The following TVP23C variants were observed in gnomAD, a reference collection of about 807,000 sequenced individuals.
The protein encoded by TVP23C is trans-golgi network vesicle protein 23 homolog C.
TVP23C carries 19 observed loss-of-function variants against 28.7 expected under a neutral mutation model. That is an observed-to-expected ratio of 0.66 (90% confidence interval 0.46 to 0.97). The LOEUF is 0.97. Ranked by LOEUF, TVP23C falls within the 50% of genes least tolerant of loss-of-function variation. The pLI is 0.00. For synonymous variants in TVP23C, 68 were observed against 81.7 expected (o/e 0.83, Z 0.90); for missense variants, 186 against 241.3 (o/e 0.77, Z 1.52).
At chr17:15,516,573 AC>A (rs1265035703) in intron 5 of TVP23C, 1 of 152,118 alleles carries the variant, frequency 6.6e-6, no homozygotes, top group East Asian at 1.9e-4. Flanking sequence ...CTTATGGAAC[AC>A]CAGTCAGACT....
Position 15,502,809 on chromosome 17 carries a change from CCT to C in TVP23C, c.*53_*54del, listed in dbSNP as rs57432478. 9,114 of 1,364,700 alleles carry C rather than the reference CCT, an allele frequency of 6.7e-3. 2 individuals carry two copies. Among genetic ancestry groups the C allele is most frequent in the East Asian group, 0.062 (2,037 of 33,074 alleles). 84.5% of individuals were successfully genotyped at this position (1,364,700 alleles called of 1,614,324 possible). On this transcript the variant is annotated 3_prime_UTR_variant, in exon 6 of 6. Transcript: ENST00000225576. ...TCCCTCTCTCCTCTCTCCTCTCTCTCCTCTCTCTCTCTCTCTCTCTCTCCTGC... is the reference window on the plus strand; with the variant it reads ...TCCCTCTCTCCTCTCTCCTCTCTCTCCTCTCTCTCTCTCTCTCTCTCCTGC...
intron 5 of TVP23C, among the ~76,000 whole-genome samples, chr17:15,517,855 G>C (rs1299046808): frequency 1.3e-5 from 2 of 152,096 alleles, no homozygotes; most frequent in South Asian, 2.1e-4. Context: ...CACCATAAGA[G>C]AATTCTCACT....
chr17:15,535,149 A>C (rs568481535), downstream of TVP23C, among the ~76,000 whole-genome samples: 1 of 151,480 alleles, frequency 6.6e-6, no homozygotes, highest in African/African-American at 2.4e-5. Flanking sequence ...TCTAAAGACT[A>C]TCTCCCATCC....
chr17:15,515,528 C>A (rs559013860), intron 5 of TVP23C, among the ~76,000 whole-genome samples: 1 of 152,154 alleles, frequency 6.6e-6, no homozygotes, highest in Non-Finnish European at 1.5e-5. Context: ...ATGAACTACA[C>A]GAGATACGAT....
At chr17:15,526,138 TGCTGTA>T (rs1168952520) in intron 5 of TVP23C, among the ~76,000 whole-genome samples, 2 of 152,148 alleles carry the variant, frequency 1.3e-5, no homozygotes, top group African/African-American at 4.8e-5. Flanking sequence ...CAGACACAGT[TGCTGTA>T]GACCACTCCT....
chr17:15,502,751 T>A, exon 6 of TVP23C: 1 of 1,337,378 alleles, frequency 7.5e-7, no homozygotes, highest in Non-Finnish European at 9.8e-7. Flanking sequence ...CTCTCTCCCG[T>A]CTCTTTCTCT....
chr17:15,559,986 C>T (rs1984306765), intron 1 of TVP23C, among the ~76,000 whole-genome samples: 1 of 149,352 alleles, frequency 6.7e-6, no homozygotes, highest in African/African-American at 2.4e-5. Flanking sequence ...AACAAAGTGC[C>T]TCCAGGAGGA....
At chr17:15,555,237 A>T in intron 2 of TVP23C, 45 bp downstream of exon 2, 3 of 1,613,600 alleles carry the variant, frequency 1.9e-6, no homozygotes, top group Non-Finnish European at 2.5e-6. Context: ...ATACATACAG[A>T]ACAACACTGG....
chr17:15,503,152 A>T, exon 6 of TVP23C: 1 of 1,601,522 alleles, frequency 6.2e-7, no homozygotes, highest in Non-Finnish European at 8.5e-7. Flanking sequence ...CTGTTATCCC[A>T]GCGCTTTGGA....
intron 5 of TVP23C, among the ~76,000 whole-genome samples, chr17:15,524,578 GAT>G (rs1982638426): frequency 6.6e-6 from 1 of 152,174 alleles, no homozygotes; most frequent in Non-Finnish European, 1.5e-5. Flanking sequence ...TGAGGAAGGA[GAT>G]ATGAAATCAG....
intron 3 of TVP23C, among the ~76,000 whole-genome samples, chr17:15,551,280 T>G (rs1237255616): frequency 1.3e-5 from 2 of 149,944 alleles, no homozygotes; most frequent in East Asian, 3.9e-4. Flanking sequence ...TTTTTTTTTT[T>G]TTTTTTTAGC....
rs541958171 is a variant in TVP23C, at chr17:15,528,082, T to A, written c.462+17703A>T. ...CTTCTAGTTTTGTTGTTTTCTCTAC[T>A]GTTTTTCAAGTCTTTATGTTTTTTC... On this transcript the variant is annotated intron_variant, in intron 5 of 5. Transcript: ENST00000225576. Among the ~76,000 whole-genome samples the A allele has an allele frequency of 2.6e-5, 4 of 152,256 alleles. No individual in the cohort carries two copies. The East Asian group carries it at 7.7e-4, about 29-fold the overall frequency.
chr17:15,554,664 C>G (rs897629930), intron 2 of TVP23C, among the ~76,000 whole-genome samples: 4 of 152,288 alleles, frequency 2.6e-5, no homozygotes, highest in Non-Finnish European at 5.9e-5. Flanking sequence ...TCCAATTTTA[C>G]AACTTTTCAT....
intron 5 of TVP23C, among the ~76,000 whole-genome samples, chr17:15,529,960 A>G (rs1371887979): frequency 1.3e-5 from 2 of 151,974 alleles, no homozygotes; most frequent in African/African-American, 2.4e-5. Flanking sequence ...CACCACACCC[A>G]GCTAATTTTT....
At chr17:15,517,580 G>A (rs1982283931) in intron 5 of TVP23C, among the ~76,000 whole-genome samples, 1 of 152,124 alleles carries the variant, frequency 6.6e-6, no homozygotes. Context: ...ATATGTAGAG[G>A]GCTTGGAGTA....
chr17:15,552,735 A>C (rs928463474), intron 3 of TVP23C, among the ~76,000 whole-genome samples: 4 of 152,240 alleles, frequency 2.6e-5, no homozygotes, highest in African/African-American at 9.6e-5. Flanking sequence ...GTGGATGTGA[A>C]TAGGGTTGTA....
chr17:15,554,195 C>T (rs1984021704), intron 2 of TVP23C, among the ~76,000 whole-genome samples: 1 of 151,742 alleles, frequency 6.6e-6, no homozygotes, highest in African/African-American at 2.4e-5. Flanking sequence ...TCAGAAATCA[C>T]TCAGACATTA....
At chr17:15,519,070 A>C (rs34063156) in intron 5 of TVP23C, among the ~76,000 whole-genome samples, 1 of 152,104 alleles carries the variant, frequency 6.6e-6, no homozygotes, top group African/African-American at 2.4e-5. Flanking sequence ...CACCATGACT[A>C]TAAGTTTCCT....
At chr17:15,555,515 A>G in intron 1 of TVP23C, 151 bp from the exon 2 acceptor site, 1 of 1,285,752 alleles carries the variant, frequency 7.8e-7, no homozygotes, top group East Asian at 2.5e-5. Context: ...ACACATGCAG[A>G]TCCTCCACCC....
Sources: allele counts gnomAD v4.1 joint callset (sites outside exome capture counted in the v4.1 genomes callset), GRCh38; gene constraint gnomAD v4.1.1; transcripts MANE v1.5; gene names NCBI Gene and HGNC (gene_info 2026-07-23, HGNC 2026-07-21).